Variants in ASTN2 observed in about 807,000 individuals in gnomAD.
ASTN2 encodes astrotactin 2.
A neutral mutation model predicts 139.8 loss-of-function variants in ASTN2; 54 were observed. The observed-to-expected ratio is 0.39, with a 90% confidence interval of 0.31 to 0.48. The LOEUF (loss-of-function observed/expected upper bound fraction) is 0.48, where lower values mean the gene tolerates loss of function less well. Among genes scored for constraint, ASTN2 ranks in the 20% least tolerant of loss-of-function variants. ASTN2 has a pLI of 0.95. For missense variants in ASTN2, 1,565 were observed against 1,725.1 expected (o/e 0.91, Z 1.64); for synonymous variants, 756 against 719.5 (o/e 1.05, Z -0.81).
At chr9:117,213,592 AC>A (rs1231654094) in intron 3 of ASTN2, among the ~76,000 whole-genome samples, 5 of 152,324 alleles carry the variant, frequency 3.3e-5, no homozygotes, top group African/African-American at 9.6e-5. Flanking sequence ...ATATAAAAAA[AC>A]ATAAAAGAAG....
intron 6 of ASTN2, among the ~76,000 whole-genome samples, chr9:117,015,227 C>T (rs1286001410): frequency 6.6e-6 from 1 of 152,030 alleles, no homozygotes; most frequent in African/African-American, 2.4e-5. Context: ...ACATGTTGCC[C>T]AAGCTGGTCT....
At chr9:117,285,010 A>G (rs1834413395) in intron 2 of ASTN2, among the ~76,000 whole-genome samples, 3 of 152,258 alleles carry the variant, frequency 2.0e-5, no homozygotes, top group Non-Finnish European at 2.9e-5. Flanking sequence ...CATGTCAAGT[A>G]CAATCACACT....
chr9:117,041,053 C>T lies in ASTN2; in HGVS notation c.1277-1088G>A, dbSNP rs76283393. 8.5e-4 allele frequency among the ~76,000 whole-genome samples: 130 copies of T among 152,090 alleles called. 2 individuals carry two copies. The East Asian group carries it at 0.024, about 28-fold the overall frequency. The stretch of plus-strand genomic sequence containing the variant: ...GACCTAGAAGAGAGGGCAGAGAGTA[C>T]GGGGGGTGGTTTTGCCTCTGAAAAT... On this transcript the variant is annotated intron_variant, in intron 5 of 22. Coordinates refer to ENST00000313400, the MANE Select transcript of ASTN2 (RefSeq NM_001365068.1).
At chr9:117,183,272 G>A (rs1014208257) in intron 3 of ASTN2, among the ~76,000 whole-genome samples, 1 of 152,308 alleles carries the variant, frequency 6.6e-6, no homozygotes, top group Middle Eastern at 3.4e-3. Context: ...GTCCTAATGA[G>A]TATTTGGTAA....
At chr9:117,042,439 G>C (rs956303676) in intron 5 of ASTN2, among the ~76,000 whole-genome samples, 4 of 152,060 alleles carry the variant, frequency 2.6e-5, no homozygotes, top group African/African-American at 9.7e-5. Flanking sequence ...CTTATGGTAG[G>C]AACTATACAT....
At chr9:116,828,035 G>A (rs772073127) in intron 11 of ASTN2, among the ~76,000 whole-genome samples, 5 of 152,146 alleles carry the variant, frequency 3.3e-5, no homozygotes, top group Non-Finnish European at 7.3e-5. Context: ...AGTGGCTCAC[G>A]CCTGTAAGCC....
At chr9:116,558,994 G>A (rs1202814872) in intron 19 of ASTN2, among the ~76,000 whole-genome samples, 1 of 152,182 alleles carries the variant, frequency 6.6e-6, no homozygotes, top group Non-Finnish European at 1.5e-5. Context: ...ATACCAGTCA[G>A]CAAAACATGC....
In ASTN2 at chr9:117,294,291, C is replaced by T. The variant is rs537648901; in HGVS notation, c.443-2778G>A. Among the ~76,000 whole-genome samples, 27 of 152,328 alleles carry T rather than the reference C, an allele frequency of 1.8e-4. No individual in the cohort carries two copies. In the East Asian group the frequency reaches 5.0e-3, roughly 28 times the overall value. Reference sequence around the variant, plus strand: ...TCTTTGTTTGCTACAGCGATGAGTGCACAATCAGCAGACAGTAAACGTTAA... The same window carrying T: ...TCTTTGTTTGCTACAGCGATGAGTGTACAATCAGCAGACAGTAAACGTTAA... On this transcript the variant is annotated intron_variant, in intron 1 of 22. Transcript: ENST00000313400.
intron 20 of ASTN2, among the ~76,000 whole-genome samples, chr9:116,467,119 GTTTC>G (rs1468829055): frequency 2.6e-5 from 4 of 152,044 alleles, no homozygotes; most frequent in Admixed American, 6.5e-5. Context: ...GGTTTGGTGT[GTTTC>G]TTTCTTTCTG....
chr9:117,017,301 TCA>T (rs1256517333), intron 6 of ASTN2, among the ~76,000 whole-genome samples: 1 of 152,160 alleles, frequency 6.6e-6, no homozygotes, highest in Non-Finnish European at 1.5e-5. Flanking sequence ...AATTTAGGCA[TCA>T]GACCCAATTT....
intron 12 of ASTN2, among the ~76,000 whole-genome samples, chr9:116,815,534 G>A (rs1377667478): frequency 6.6e-6 from 1 of 151,900 alleles, no homozygotes; most frequent in African/African-American, 2.4e-5. Flanking sequence ...GGCCGGGCGC[G>A]GTGGCTCACA....
chr9:116,694,757 C>T (rs1860758120), intron 16 of ASTN2, among the ~76,000 whole-genome samples: 1 of 151,924 alleles, frequency 6.6e-6, no homozygotes. Flanking sequence ...AGGCATGAGC[C>T]ACCACGCCTG....
intron 16 of ASTN2, among the ~76,000 whole-genome samples, chr9:116,675,636 T>A (rs1025593618): frequency 6.6e-6 from 1 of 152,216 alleles, no homozygotes; most frequent in African/African-American, 2.4e-5. Flanking sequence ...TGGAAGGCCT[T>A]CTGTCTGTCA....
intron 5 of ASTN2, among the ~76,000 whole-genome samples, chr9:117,074,179 G>A (rs925477564): frequency 6.6e-5 from 10 of 152,292 alleles, no homozygotes; most frequent in Non-Finnish European, 1.3e-4. Context: ...TATTTTCTAT[G>A]TCAAACATGA....
chr9:116,996,093 A>C (rs1837007148), intron 7 of ASTN2, among the ~76,000 whole-genome samples: 1 of 151,984 alleles, frequency 6.6e-6, no homozygotes, highest in African/African-American at 2.4e-5. Context: ...CTTGAACTCA[A>C]GTTCACTTGA....
chr9:116,827,145 A>G (rs1831654762), intron 11 of ASTN2, among the ~76,000 whole-genome samples: 1 of 151,970 alleles, frequency 6.6e-6, no homozygotes, highest in African/African-American at 2.4e-5. Flanking sequence ...ACCCGTCTCT[A>G]TTAAAAATAC....
intron 19 of ASTN2, among the ~76,000 whole-genome samples, chr9:116,530,020 T>C (rs745391143): frequency 2.7e-5 from 4 of 148,538 alleles, no homozygotes; most frequent in Non-Finnish European, 4.5e-5. Context: ...TCCATGTTCA[T>C]TGCAGCATTA....
At chr9:116,737,467 A>ATG (rs72243746) in intron 13 of ASTN2, among the ~76,000 whole-genome samples, 18,323 of 148,122 alleles carry the variant, frequency 0.12, 1,145 homozygotes, top group Non-Finnish European at 0.14. Context: ...GTGTGTGTGA[A>ATG]TGTGTGTGTG....
chr9:116,752,126 G>A (rs544783002), intron 13 of ASTN2, among the ~76,000 whole-genome samples: 104 of 152,300 alleles, frequency 6.8e-4, no homozygotes, highest in Middle Eastern at 3.4e-3. Flanking sequence ...TCAAGACAGC[G>A]TGATACTGGT....
Sources: gnomAD v4.1 joint callset for allele counts (sites outside exome capture counted in the v4.1 genomes callset) on GRCh38, gnomAD v4.1.1 for gene constraint, MANE v1.5 for transcripts, NCBI Gene and HGNC (gene_info 2026-07-23, HGNC 2026-07-21) for gene names.